Variants in S100PBP observed in about 807,000 individuals in gnomAD.
S100PBP encodes the protein S100P-binding protein.
A neutral mutation model predicts 39.9 loss-of-function variants in S100PBP; 15 were observed. The observed-to-expected ratio is 0.38, with a 90% confidence interval of 0.25 to 0.58. S100PBP has a LOEUF of 0.58. Among genes scored for constraint, S100PBP ranks in the 20% least tolerant of loss-of-function variants. S100PBP has a pLI of 0.70. For synonymous variants in S100PBP, 178 were observed against 180.3 expected (o/e 0.99, Z 0.10); for missense variants, 504 against 487.3 (o/e 1.03, Z -0.32).
At chr1:32,817,636 A>AG, upstream of S100PBP, 1 of 291,038 alleles carries the variant, frequency 3.4e-6, no homozygotes, top group Non-Finnish European at 6.7e-6. Flanking sequence ...AAAATGGCGC[A>AG]GGGGGCGGAG....
intron 5 of S100PBP, among the ~76,000 whole-genome samples, chr1:32,840,926 C>T (rs1265051165): frequency 1.3e-5 from 2 of 151,314 alleles, no homozygotes; most frequent in Admixed American, 6.6e-5. Context: ...TTTGGGAGGC[C>T]GAGGTGGGCG....
At chr1:32,822,468 C>A (rs1348973548) in intron 1 of S100PBP, among the ~76,000 whole-genome samples, 1 of 151,814 alleles carries the variant, frequency 6.6e-6, no homozygotes, top group African/African-American at 2.4e-5. Context: ...CAAAAATTAG[C>A]CAGGCGTGGT....
intron 5 of S100PBP, chr1:32,843,152 T>C (rs1640197580): frequency 6.6e-6 from 1 of 152,234 alleles, no homozygotes; most frequent in South Asian, 2.1e-4. Context: ...TTATTAGTTT[T>C]AGTAACTTTT....
chr1:32,825,531 A>C (rs185752441), intron 2 of S100PBP, 102 bp downstream of exon 2: 10 of 152,482 alleles, frequency 6.6e-5, no homozygotes, highest in Admixed American at 3.9e-4. Context: ...GAATATTCAG[A>C]CATTTTACAT....
intron 3 of S100PBP, among the ~76,000 whole-genome samples, chr1:32,827,264 T>G (rs1639371336): frequency 6.6e-6 from 1 of 152,228 alleles, no homozygotes; most frequent in Non-Finnish European, 1.5e-5. Flanking sequence ...AATATTAAAT[T>G]ACCCTCTGTT....
chr1:32,816,858 A>G (rs1401262327), upstream of S100PBP: 1 of 509,424 alleles, frequency 2.0e-6, no homozygotes, highest in African/African-American at 1.9e-5. Context: ...CCCTTCAGAC[A>G]AGCTCTGGCA....
Position 32,853,171 on chromosome 1 carries a change from G to C in S100PBP, c.1112+5G>C. Reference sequence around the variant, plus strand: ...TCCTTCGGACCTCACCACGCGGTGAGTGGGTGATTAGAAGAAGATGGAAAA... The same window carrying C: ...TCCTTCGGACCTCACCACGCGGTGACTGGGTGATTAGAAGAAGATGGAAAA... On this transcript the variant is annotated splice_donor_5th_base_variant and intron_variant, in intron 6 of 6. Coordinates refer to ENST00000373475, the MANE Select transcript of S100PBP (RefSeq NM_022753.4). 6.2e-7 allele frequency: 1 copy of C among 1,600,762 alleles called. No homozygotes were observed. Among genetic ancestry groups the C allele is most frequent in the Non-Finnish European group, 8.5e-7 (1 of 1,170,546 alleles).
rs1286809521 is a variant in S100PBP at position 32,856,811 on chromosome 1, TTTC to T, written c.*777_*779del. ...CTTGAGACTGGTTGTCTCCTTTGCC[TTTC>T]TTCAAGGATTTTCCTTTTTCTTTTT... On this transcript the variant is annotated 3_prime_UTR_variant, in exon 7 of 7. Transcript: ENST00000373475. 1 of 152,346 alleles carries T rather than the reference TTTC, an allele frequency of 6.6e-6. No individual in the cohort carries two copies. Among genetic ancestry groups the T allele is most frequent in the Non-Finnish European group, 1.5e-5 (1 of 68,062 alleles). 9.4% of individuals were successfully genotyped at this position (152,346 alleles called of 1,614,324 possible). A position where few individuals can be genotyped will look rare whatever the true frequency, so the allele number is the denominator to read the frequency against.
Position 32,825,399 on chromosome 1 carries a change from A to G in S100PBP, c.-33A>G, listed in dbSNP as rs1639279148. On this transcript the variant is annotated 5_prime_UTR_variant, in exon 2 of 7. Coordinates refer to ENST00000373475, the MANE Select transcript of S100PBP (RefSeq NM_022753.4). ...CCTTTTTCCATTTGGTCTCGTGGCA[A>G]AGGCAGAGATTGCTCCAGCAGCTCC... is the stretch of plus-strand genomic sequence containing the variant. The G allele has an allele frequency of 6.6e-6, 1 of 152,252 alleles. No homozygotes were observed. Among genetic ancestry groups the G allele is most frequent in the Non-Finnish European group, 1.5e-5 (1 of 68,046 alleles). 9.4% of individuals were successfully genotyped at this position (152,252 alleles called of 1,614,324 possible).
upstream of S100PBP, chr1:32,817,585 C>T (rs906888361): frequency 6.3e-6 from 3 of 475,800 alleles, no homozygotes; most frequent in Non-Finnish European, 1.2e-5. Flanking sequence ...CTGGTGTTGG[C>T]CCGGCTGACT....
chr1:32,855,739 G>C (rs138571599), intron 6 of S100PBP, among the ~76,000 whole-genome samples, 185 bp from the exon 7 acceptor site: 1 of 152,246 alleles, frequency 6.6e-6, no homozygotes, highest in East Asian at 1.9e-4. Flanking sequence ...AGCACTTACG[G>C]TGTGGTGTTC....
chr1:32,821,387 T>A (rs1269965986), intron 1 of S100PBP, among the ~76,000 whole-genome samples: 1 of 152,098 alleles, frequency 6.6e-6, no homozygotes, highest in African/African-American at 2.4e-5. Flanking sequence ...AGTGGCGCGG[T>A]CTGGGCTCAC....
At chr1:32,848,672 A>T (rs570800250) in intron 5 of S100PBP, among the ~76,000 whole-genome samples, 2 of 152,346 alleles carry the variant, frequency 1.3e-5, no homozygotes, top group East Asian at 3.9e-4. Flanking sequence ...CAGAATTGGC[A>T]TAGCAGGTAC....
chr1:32,827,159 A>G (rs1158542120), intron 3 of S100PBP, among the ~76,000 whole-genome samples: 1 of 152,204 alleles, frequency 6.6e-6, no homozygotes, highest in Non-Finnish European at 1.5e-5. Context: ...TTTAGCCTCT[A>G]TGTTTCCCCA....
At chr1:32,818,972 G>T (rs1557475617) in intron 1 of S100PBP, 2 of 152,252 alleles carry the variant, frequency 1.3e-5, no homozygotes, top group Admixed American at 6.6e-5. Flanking sequence ...CTTGACTTTA[G>T]AGCTTGAAAG....
intron 5 of S100PBP, among the ~76,000 whole-genome samples, chr1:32,848,306 C>CA (rs890920369): frequency 5.3e-5 from 8 of 150,670 alleles, no homozygotes; most frequent in Admixed American, 1.3e-4. Flanking sequence ...AACTCCGTCT[C>CA]AAAAAAAAAT....
rs769353261 is a variant in S100PBP at position 32,826,916 on chromosome 1, AC to A, written c.819del (p.Ser274HisfsTer15). 1.5e-5 allele frequency: 23 copies of A among 1,572,890 alleles called. No individual in the cohort carries two copies. The highest frequency in any genetic ancestry group is 2.0e-5 in the Non-Finnish European group (23 of 1,161,438). On this transcript the variant is annotated frameshift_variant, in exon 3 of 7. Coordinates refer to ENST00000373475, the MANE Select transcript of S100PBP (RefSeq NM_022753.4). LOFTEE classifies it high-confidence loss of function. ...SCEMRSLVVSTSSNKQDVLNK... is the reference protein window; with the variant it reads ...SCEMRSLVVSXSSNKQDVLNK... ...TGAAATGAGATCTCTGGTTGTTTCC[AC>A]CTCATCAAACAAAGTAAGTATATTT...
At position 32,858,321 on chromosome 1, in the gene S100PBP, C is replaced by G. The variant is rs1429554475; in HGVS notation, c.*2283C>G. ...AGAAAATGTGACAATCACATTTCCT[C>G]TTAGCTCAAATAATTCTGTTTTTCC... On this transcript the variant is annotated 3_prime_UTR_variant, in exon 7 of 7. Coordinates refer to ENST00000373475, the MANE Select transcript of S100PBP (RefSeq NM_022753.4). 1.3e-5 allele frequency: 2 copies of G among 152,660 alleles called. No homozygotes were observed. Among genetic ancestry groups the G allele is most frequent in the Non-Finnish European group, 2.9e-5 (2 of 68,048 alleles). 9.5% of individuals were successfully genotyped at this position (152,660 alleles called of 1,614,324 possible).
At chr1:32,837,026 C>G (rs1320562912) in intron 5 of S100PBP, 1 of 151,122 alleles carries the variant, frequency 6.6e-6, no homozygotes, top group African/African-American at 2.4e-5. Context: ...ATCCCAAGGT[C>G]AAGAGTTCGA....
Sources: allele counts gnomAD v4.1 joint callset (sites outside exome capture counted in the v4.1 genomes callset), GRCh38; gene constraint gnomAD v4.1.1; transcripts MANE v1.5; gene names NCBI Gene and HGNC (gene_info 2026-07-23, HGNC 2026-07-21).